Variants in HERC1 observed in about 807,000 individuals in gnomAD.
HERC1 encodes probable E3 ubiquitin-protein ligase HERC1.
A neutral mutation model predicts 554.3 loss-of-function variants in HERC1; 160 were observed. That is an observed-to-expected ratio of 0.29 (90% CI 0.25 to 0.33). HERC1 has a LOEUF of 0.33. Among genes scored for constraint, HERC1 ranks in the 10% least tolerant of loss-of-function variants. The pLI, the probability that HERC1 is intolerant of heterozygous loss-of-function variation, is 1.00. For missense variants in HERC1, 4,919 were observed against 5,918.5 expected, an observed-to-expected ratio of 0.83 and a Z score of 5.54; for synonymous variants, 2,175 against 2,131.7, an observed-to-expected ratio of 1.02 and a Z score of -0.56.
chr15:63,827,296 C>T (rs1030756143), intron 1 of HERC1, among the ~76,000 whole-genome samples: 2 of 152,064 alleles, frequency 1.3e-5, no homozygotes, highest in Non-Finnish European at 2.9e-5. Context: ...GCGGTGCACA[C>T]TTGTAGTCCC....
In HERC1 at chr15:63,733,040, A is replaced by G. The variant is rs564145088; in HGVS notation, c.2752T>C (p.Cys918Arg). The G allele has an allele frequency of 3.1e-6, 5 of 1,613,918 alleles. No individual in the cohort carries two copies. The highest frequency in any genetic ancestry group is 1.6e-4 in the Middle Eastern group (1 of 6,062). The change falls in exon 14 of 78, where the codon TGT (cysteine) becomes CGT (arginine). Residue 918 changes from cysteine to arginine, a missense_variant. Physicochemically the swap from Cys to Arg is radical, Grantham distance 180. This residue lies in a region of HERC1 where 744 missense variants were observed against 1,090.0 expected (regional missense o/e 0.68). Transcript: ENST00000443617. ...TCTGACAGATTTCCGTAGCCAGTAC[A>G]CACAGAAGATAGGTCAGCAGCATCA... ...PSDAADLSSVCTGYGNLSDQP... is the reference protein window; with the variant it reads ...PSDAADLSSVRTGYGNLSDQP...
At chr15:63,822,532 G>C (rs1251109527) in intron 1 of HERC1, among the ~76,000 whole-genome samples, 1 of 151,772 alleles carries the variant, frequency 6.6e-6, no homozygotes, top group East Asian at 1.9e-4. Flanking sequence ...GTTGCAGTGA[G>C]CCGAGATCAT....
rs1230015381 is a variant in HERC1 at position 63,756,285 on chromosome 15, G to A, written c.1533+152C>T. ...TTAAAATTCAATAATGTATACAAAG[G>A]TGTTCTGTAAACTGTAAAGCAGAGA... On this transcript the variant is annotated intron_variant, in intron 5 of 77. Transcript: ENST00000443617. This position sits in a 1 kb window ranked among gnomAD's most constrained non-coding sequence, Gnocchi z 5.0. Among the ~76,000 whole-genome samples the A allele has an allele frequency of 6.6e-6, 1 of 152,140 alleles. No homozygotes were observed. Among genetic ancestry groups the A allele is most frequent in the Non-Finnish European group, 1.5e-5 (1 of 68,026 alleles).
chr15:63,636,535 C>T (rs1363185131), intron 64 of HERC1, among the ~76,000 whole-genome samples: 4 of 152,090 alleles, frequency 2.6e-5, no homozygotes, highest in African/African-American at 4.8e-5. Flanking sequence ...CCTCCCAAAG[C>T]GCTGGGTTTA....
chr15:63,654,039 A>G, intron 51 of HERC1, 80 bp downstream of exon 51: 1 of 1,097,816 alleles, frequency 9.1e-7, no homozygotes, highest in African/African-American at 1.5e-5. Flanking sequence ...AGAGACCTAA[A>G]CTTTGAGCTC....
intron 1 of HERC1, among the ~76,000 whole-genome samples, chr15:63,788,782 T>C (rs1195624117): frequency 6.8e-6 from 1 of 146,708 alleles, no homozygotes; most frequent in African/African-American, 2.5e-5. Flanking sequence ...CTGGGCGTGG[T>C]GGCAAGTGCC....
In HERC1 at chr15:63,648,186, G is replaced by C; in HGVS notation, c.10761C>G (p.Cys3587Trp). 1 of 1,603,766 alleles carries C rather than the reference G, an allele frequency of 6.2e-7. No homozygotes were observed. The highest frequency in any genetic ancestry group is 8.5e-7 in the Non-Finnish European group (1 of 1,174,394). Residue 3587 changes from cysteine (C) to tryptophan (W), a missense_variant, in exon 55 of 78, where the codon TGC becomes TGG. Cys to Trp is a radical substitution (Grantham distance 215). Coordinates refer to ENST00000443617, the MANE Select transcript of HERC1 (RefSeq NM_003922.4). ...HCYRKDVSVT[C>W]IAWFSEDRPF... ...GTCTGTCTTCACTGAACCATGCAAT[G>C]CAAGTAACAGACACTAACATGATCA...
chr15:63,678,991 A>C (rs2071339950), intron 36 of HERC1, among the ~76,000 whole-genome samples: 1 of 152,234 alleles, frequency 6.6e-6, no homozygotes, highest in Non-Finnish European at 1.5e-5. Flanking sequence ...TTATTAGTAC[A>C]TTGCCAGTCA....
intron 1 of HERC1, among the ~76,000 whole-genome samples, chr15:63,794,460 G>A (rs1183892084): frequency 1.3e-5 from 2 of 152,082 alleles, no homozygotes; most frequent in African/African-American, 2.4e-5. Flanking sequence ...CTTCCCAGAG[G>A]TTGGGGATGG....
intron 69 of HERC1, 121 bp from the exon 70 acceptor site, chr15:63,628,936 C>A: frequency 1.1e-6 from 1 of 876,498 alleles, no homozygotes; most frequent in Non-Finnish European, 1.7e-6. Context: ...CATGCATCAG[C>A]ATCAATAAAA....
At chr15:63,789,535 C>T (rs2076565671) in intron 1 of HERC1, among the ~76,000 whole-genome samples, 1 of 151,944 alleles carries the variant, frequency 6.6e-6, no homozygotes, top group Non-Finnish European at 1.5e-5. Context: ...TGGTGGCTTA[C>T]GCCTGTGATC....
At chr15:63,657,849 T>C (rs568940212) in intron 48 of HERC1, among the ~76,000 whole-genome samples, 1 of 152,306 alleles carries the variant, frequency 6.6e-6, no homozygotes, top group East Asian at 1.9e-4. Context: ...TCTATGTGGA[T>C]AAACCATCAG....
At chr15:63,644,907 C>T (rs563547571) in intron 57 of HERC1, 85 bp downstream of exon 57, 4 of 1,052,340 alleles carry the variant, frequency 3.8e-6, no homozygotes, top group Non-Finnish European at 5.9e-6. Context: ...ATAGTAATGA[C>T]TTTTTTAGTA....
chr15:63,633,162 A>G (rs186969222), intron 67 of HERC1, among the ~76,000 whole-genome samples: 1 of 152,358 alleles, frequency 6.6e-6, no homozygotes, highest in African/African-American at 2.4e-5. Flanking sequence ...GGGCGACAAT[A>G]ACTGCTTTAT....
chr15:63,811,043 G>T (rs2077291032), intron 1 of HERC1, among the ~76,000 whole-genome samples: 1 of 151,850 alleles, frequency 6.6e-6, no homozygotes, highest in African/African-American at 2.4e-5. Flanking sequence ...AAAAGGCTGG[G>T]GTTTACTCTA....
chr15:63,760,207 C>T (rs749972173), intron 3 of HERC1, among the ~76,000 whole-genome samples: 5 of 151,736 alleles, frequency 3.3e-5, no homozygotes, highest in African/African-American at 4.8e-5. Context: ...AACTGGAAAA[C>T]GACTTTTTTT....
chr15:63,741,573 C>G (rs2074808717), intron 12 of HERC1, among the ~76,000 whole-genome samples: 1 of 152,230 alleles, frequency 6.6e-6, no homozygotes, highest in Non-Finnish European at 1.5e-5. Context: ...TTCCAAAGTG[C>G]TGGGATTACA....
intron 1 of HERC1, among the ~76,000 whole-genome samples, chr15:63,795,887 G>A (rs2076797876): frequency 1.3e-5 from 2 of 152,228 alleles, no homozygotes; most frequent in Admixed American, 1.3e-4. Context: ...AATCAAGGAA[G>A]CAGGAAGTTA....
rs78806317 is a variant in HERC1, at chr15:63,703,391, T to C, written c.4636+3389A>G. On this transcript the variant is annotated intron_variant, in intron 25 of 77. Transcript: ENST00000443617. Reference sequence around the variant, plus strand: ...CCTTTGCAGGCATGGAAAGAGCAGCTGAAAATGTGTATACACCCATTGTCA... The same window carrying C: ...CCTTTGCAGGCATGGAAAGAGCAGCCGAAAATGTGTATACACCCATTGTCA... Among the ~76,000 whole-genome samples the C allele has an allele frequency of 9.2e-3, 1,400 of 152,352 alleles. 20 individuals are homozygous for C. The highest frequency in any genetic ancestry group is 0.032 in the African/African-American group (1,338 of 41,580).
Sources: gnomAD v4.1 joint callset for allele counts (sites outside exome capture counted in the v4.1 genomes callset) on GRCh38, gnomAD v4.1.1 for gene constraint, gnomAD v4.1.1 regional missense constraint, Gnocchi (gnomAD v3.1) non-coding constraint, MANE v1.5 for transcripts, NCBI Gene and HGNC (gene_info 2026-07-23, HGNC 2026-07-21) for gene names.